The following SIN3A variants were observed in gnomAD, a reference collection of about 807,000 sequenced individuals.
SIN3A encodes the protein SIN3 transcription regulator family member A.
SIN3A carries 14 observed loss-of-function variants against 146.1 expected under a neutral mutation model. The observed-to-expected ratio is 0.10, with a 90% CI of 0.06 to 0.15. The LOEUF is 0.15. SIN3A is among the 10% of genes least tolerant of loss of function. The pLI is 1.00. For synonymous variants in SIN3A, 572 were observed against 572.0 expected, an observed-to-expected ratio of 1.00 and a Z score of 0.00; for missense variants, 1,028 against 1,576.0, an observed-to-expected ratio of 0.65 and a Z score of 5.89.
intron 20 of SIN3A, among the ~76,000 whole-genome samples, chr15:75,372,944 T>C (rs928951112): frequency 2.6e-5 from 4 of 152,042 alleles, no homozygotes; most frequent in African/African-American, 9.7e-5. Context: ...AGTGAGCCAT[T>C]GATCACTTCT....
Position 75,396,292 on chromosome 15 carries a change from T to C in SIN3A, c.2059A>G (p.Asn687Asp). ...ACAATTGGAACAGCAATGGAGGGAT[T>C]CTTTCTCAGACCATCAATGATGTCA... The part of the protein sequence containing the change: ...AADIIDGLRK[N>D]PSIAVPIVLK... The change falls in exon 13 of 21, where the codon AAT becomes GAT. Residue 687 changes from asparagine (N) to aspartate (D), a missense_variant. Physicochemically the swap from Asn to Asp is conservative, Grantham distance 23. Transcript: ENST00000394947. 1 of 1,614,128 alleles carries C rather than the reference T, an allele frequency of 6.2e-7. No individual in the cohort carries two copies. The highest frequency in any genetic ancestry group is 8.5e-7 in the Non-Finnish European group (1 of 1,179,962).
intron 1 of SIN3A, among the ~76,000 whole-genome samples, chr15:75,447,033 C>A (rs1206523347): frequency 1.3e-5 from 2 of 152,172 alleles, no homozygotes; most frequent in African/African-American, 4.8e-5. Flanking sequence ...TCCCAAAGTG[C>A]TGGTATTACA....
Position 75,375,876 on chromosome 15 carries a change from T to C in SIN3A, c.3384-4A>G. The C allele has an allele frequency of 6.2e-7, 1 of 1,613,824 alleles. No individual in the cohort carries two copies. Reference sequence around the variant, plus strand: ...CTTCCGGATCCGCCGTAGATTCCTATTGCAGAAAAGCCCCGGAGGATGAGA... The same window carrying C: ...CTTCCGGATCCGCCGTAGATTCCTACTGCAGAAAAGCCCCGGAGGATGAGA... On this transcript the variant is annotated splice_polypyrimidine_tract_variant and splice_region_variant and intron_variant, in intron 19 of 20. Coordinates refer to ENST00000394947, the MANE Select transcript of SIN3A (RefSeq NM_001145358.2).
At chr15:75,404,261 C>G (rs1453421717) in intron 9 of SIN3A, among the ~76,000 whole-genome samples, 1 of 152,060 alleles carries the variant, frequency 6.6e-6, no homozygotes, top group Non-Finnish European at 1.5e-5. Flanking sequence ...TACTGTATAC[C>G]CTATTTACCT....
Position 75,400,892 on chromosome 15 carries a change from C to T in SIN3A, c.1575G>A (p.Lys525=), listed in dbSNP as rs780325599. The change falls in exon 11 of 21, where the codon AAG becomes AAA. Residue 525 remains lysine, a synonymous_variant. Transcript: ENST00000394947. ...GATAAGTTTCCAGATGTACAGACTC[C>T]TTATAGCCCAGAAAGTTTTTAAACC... ...FNWFKNFLGY[K]ESVHLETYPK... 3 of 1,614,074 alleles carry T rather than the reference C, an allele frequency of 1.9e-6. No homozygotes were observed. Among genetic ancestry groups the T allele is most frequent in the Admixed American group, 1.7e-5 (1 of 60,018 alleles).
intron 18 of SIN3A, 38 bp from the exon 19 acceptor site, chr15:75,380,761 C>A: frequency 6.9e-7 from 1 of 1,442,076 alleles, no homozygotes. Context: ...GGAAGGAAAT[C>A]ACAAAAACAG....
intron 2 of SIN3A, among the ~76,000 whole-genome samples, chr15:75,423,098 A>T (rs1346917445): frequency 6.6e-6 from 1 of 151,954 alleles, no homozygotes; most frequent in Non-Finnish European, 1.5e-5. Context: ...TGGGCAACAT[A>T]GTGACACCCA....
chr15:75,447,095 A>G lies in SIN3A; in HGVS notation c.-34+4328T>C, dbSNP rs192320378. ...TACAGACATATCTAAATAAGGACTC[A>G]GGTTTAATACTCAGACTGAAATGGA... On this transcript the variant is annotated intron_variant, in intron 1 of 20. Coordinates refer to ENST00000394947, the MANE Select transcript of SIN3A (RefSeq NM_001145358.2). 1.3e-3 allele frequency among the ~76,000 whole-genome samples: 205 copies of G among 152,338 alleles called. 1 individual carries two copies. The highest frequency in any genetic ancestry group is 4.7e-3 in the African/African-American group (195 of 41,580).
chr15:75,421,794 A>C (rs954377461), intron 3 of SIN3A: 9 of 152,192 alleles, frequency 5.9e-5, no homozygotes, highest in Non-Finnish European at 8.8e-5. Flanking sequence ...TTGCTGCAAC[A>C]ATCACATATT....
At chr15:75,420,513 T>C (rs2073824026) in intron 3 of SIN3A, 1 of 152,080 alleles carries the variant, frequency 6.6e-6, no homozygotes, top group Admixed American at 6.6e-5. Context: ...GCCTCCTGAG[T>C]AGCTGGGATT....
At chr15:75,451,025 C>T (rs1262584282) in intron 1 of SIN3A, among the ~76,000 whole-genome samples, 1 of 151,686 alleles carries the variant, frequency 6.6e-6, no homozygotes, top group Non-Finnish European at 1.5e-5. Context: ...CCCCCCCTAC[C>T]CCTCCCCGAC....
chr15:75,396,214 T>C (rs779366142), intron 13 of SIN3A, 44 bp downstream of exon 13: 6 of 1,328,460 alleles, frequency 4.5e-6, no homozygotes, highest in East Asian at 2.3e-5. Context: ...ACTGAACCGG[T>C]AGTGAAGTAC....
chr15:75,410,185 T>C lies in SIN3A; in HGVS notation c.1110A>G (p.Glu370=). ...AQVARLFKNQ[E]DLLSEFGQFL... ...ATTGTCCAAACTCTGACAACAAATC[T>C]TCCTGGTTTTTAAAGAGACGAGCAA... Residue 370 remains glutamate (E), a synonymous_variant, in exon 7 of 21, where the codon GAA becomes GAG. Coordinates refer to ENST00000394947, the MANE Select transcript of SIN3A (RefSeq NM_001145358.2). 1 of 1,614,112 alleles carries C rather than the reference T, an allele frequency of 6.2e-7. No individual in the cohort carries two copies. The highest frequency in any genetic ancestry group is 8.5e-7 in the Non-Finnish European group (1 of 1,180,010).
At chr15:75,414,462 T>C in intron 3 of SIN3A, 151 bp from the exon 4 acceptor site, 1 of 391,832 alleles carries the variant, frequency 2.6e-6, no homozygotes, top group East Asian at 3.7e-5. Flanking sequence ...TTAGTATGGA[T>C]ACCAATAATA....
intron 9 of SIN3A, 68 bp from the exon 10 acceptor site, chr15:75,402,038 GCT>G (rs1306472243): frequency 7.6e-5 from 75 of 982,770 alleles, no homozygotes; most frequent in Non-Finnish European, 1.2e-4. Flanking sequence ...AAAGGGCCTC[GCT>G]CTGTCGCCCA....
intron 19 of SIN3A, among the ~76,000 whole-genome samples, chr15:75,378,897 T>TATAC (rs977378084): frequency 2.0e-5 from 3 of 149,470 alleles, no homozygotes; most frequent in Non-Finnish European, 3.0e-5. Context: ...GATATATATA[T>TATAC]ATATATATAT....
intron 17 of SIN3A, among the ~76,000 whole-genome samples, chr15:75,382,336 C>T (rs2072987946): frequency 6.6e-6 from 1 of 152,210 alleles, no homozygotes; most frequent in Non-Finnish European, 1.5e-5. Flanking sequence ...TATATACACA[C>T]ACAAATACAG....
At chr15:75,408,413 G>A (rs900272524) in intron 8 of SIN3A, among the ~76,000 whole-genome samples, 2 of 152,186 alleles carry the variant, frequency 1.3e-5, no homozygotes, top group African/African-American at 2.4e-5. Flanking sequence ...AGACCTTGTA[G>A]TCAGTCAATC....
At chr15:75,430,458 G>T (rs2073995970) in intron 1 of SIN3A, 50 bp from the exon 2 acceptor site, 3 of 1,390,100 alleles carry the variant, frequency 2.2e-6, no homozygotes, top group Non-Finnish European at 2.9e-6. Context: ...ACTCCAGTAT[G>T]ATGTACGCCA....
Sources: gnomAD v4.1 joint callset for allele counts (sites outside exome capture counted in the v4.1 genomes callset) on GRCh38, gnomAD v4.1.1 for gene constraint, MANE v1.5 for transcripts, NCBI Gene and HGNC (gene_info 2026-07-23, HGNC 2026-07-21) for gene names.